DZIP1L: variants seen among roughly 807,000 people sequenced by gnomAD.
DZIP1L encodes the protein DAZ interacting zinc finger protein 1 like.
A neutral mutation model predicts 88.7 loss-of-function variants in DZIP1L; 90 were observed. That is an observed-to-expected ratio of 1.02 (90% CI 0.86 to 1.21). The LOEUF (loss-of-function observed/expected upper bound fraction) is 1.21, where lower values mean the gene tolerates loss of function less well. DZIP1L is among the 50% of genes most tolerant of loss of function. DZIP1L has a pLI of 0.00. For synonymous variants in DZIP1L, 363 were observed against 372.1 expected, an observed-to-expected ratio of 0.98 and a Z score of 0.28; for missense variants, 932 against 955.8, an observed-to-expected ratio of 0.98 and a Z score of 0.33.
intron 12 of DZIP1L, 74 bp downstream of exon 12, chr3:138,071,569 A>AAG: frequency 3.3e-6 from 5 of 1,518,074 alleles, no homozygotes; most frequent in Non-Finnish European, 4.4e-6. Context: ...TACCCTCCTC[A>AAG]TGTGCAAACA....
intron 2 of DZIP1L, chr3:138,102,034 TC>T: frequency 6.8e-7 from 1 of 1,475,480 alleles, no homozygotes. Context: ...TCTCCATGCT[TC>T]CCAGCCAGCA....
At chr3:138,094,367 A>C (rs1231610767) in intron 4 of DZIP1L, among the ~76,000 whole-genome samples, 2 of 152,244 alleles carry the variant, frequency 1.3e-5, no homozygotes, top group Admixed American at 6.5e-5. Flanking sequence ...CAAAAAAAGA[A>C]GTATGCCTGT....
chr3:138,091,242 C>T (rs909655679), intron 5 of DZIP1L, among the ~76,000 whole-genome samples: 1 of 151,952 alleles, frequency 6.6e-6, no homozygotes, highest in Non-Finnish European at 1.5e-5. Flanking sequence ...AATTATAGAG[C>T]TGGGTTCAAG....
At chr3:138,100,921 T>C (rs908343802) in intron 2 of DZIP1L, among the ~76,000 whole-genome samples, 4 of 152,206 alleles carry the variant, frequency 2.6e-5, no homozygotes, top group Admixed American at 6.5e-5. Flanking sequence ...TGTCACTTGG[T>C]TGAATAATGG....
chr3:138,108,140 T>C (rs1472408307), intron 1 of DZIP1L: 1 of 963,266 alleles, frequency 1.0e-6, no homozygotes, highest in Non-Finnish European at 1.2e-6. Flanking sequence ...CCCGCCACCA[T>C]GCCTGGCTAA....
intron 1 of DZIP1L, among the ~76,000 whole-genome samples, chr3:138,114,773 C>A (rs1250985572): frequency 6.6e-6 from 1 of 152,164 alleles, no homozygotes; most frequent in Non-Finnish European, 1.5e-5. Flanking sequence ...TGATCCCTGT[C>A]CTGCACTGAG....
At position 138,084,159 on chromosome 3, in the gene DZIP1L, G is replaced by A; in HGVS notation, c.1157C>T (p.Ala386Val). 6.2e-7 allele frequency: 1 copy of A among 1,614,166 alleles called. No individual in the cohort carries two copies. Among genetic ancestry groups the A allele is most frequent in the Middle Eastern group, 1.6e-4 (1 of 6,062 alleles). ...QSQCQISTLR[A>V]QLQEQARIIA... ...GATCCTAGCTTGTTCCTGCAGCTGG[G>A]CACGGAGGGTGCTGATCTGGCACTG... is the stretch of plus-strand genomic sequence containing the variant. The change falls in exon 8 of 16, where the codon GCC (alanine) becomes GTC (valine). Residue 386 changes from alanine to valine, a missense_variant. Ala to Val is a moderately conservative substitution (Grantham distance 64). Transcript: ENST00000327532.
intron 10 of DZIP1L, among the ~76,000 whole-genome samples, 183 bp from the exon 11 acceptor site, chr3:138,077,815 C>T (rs1252531996): frequency 6.6e-6 from 1 of 152,232 alleles, no homozygotes; most frequent in Non-Finnish European, 1.5e-5. Context: ...TCTCAGATTC[C>T]AGGCCCCACT....
rs542423623 is a variant in DZIP1L, at chr3:138,065,179, C to A, written c.2003-412G>T. Among the ~76,000 whole-genome samples the A allele has an allele frequency of 3.3e-5, 5 of 152,314 alleles. No homozygotes were observed. The East Asian group carries it at 9.6e-4, about 29-fold the overall frequency. ...ACAGGAGGACCACAGGCAAGAATGA[C>A]TTTCTGCAAAGTCCATGCAGGAAGC... On this transcript the variant is annotated intron_variant, in intron 14 of 15. Coordinates refer to ENST00000327532, the MANE Select transcript of DZIP1L (RefSeq NM_173543.3).
At chr3:138,111,863 T>C (rs2042625737) in intron 1 of DZIP1L, among the ~76,000 whole-genome samples, 1 of 151,986 alleles carries the variant, frequency 6.6e-6, no homozygotes, top group Non-Finnish European at 1.5e-5. Flanking sequence ...GGCATGGTGG[T>C]GGGTGCCTGT....
intron 7 of DZIP1L, among the ~76,000 whole-genome samples, chr3:138,084,655 GA>G (rs1281035067): frequency 6.6e-6 from 1 of 152,156 alleles, no homozygotes; most frequent in Non-Finnish European, 1.5e-5. Context: ...AACTTTAGAA[GA>G]ATACAAAAGA....
Position 138,071,746 on chromosome 3 carries a change from T to G in DZIP1L, c.1512A>C (p.Glu504Asp), listed in dbSNP as rs151287945. Residue 504 changes from glutamate to aspartate, a missense_variant, in exon 12 of 16, where the codon GAA (glutamate) becomes GAC (aspartate). By Grantham distance (45) the Glu-to-Asp change is conservative. Transcript: ENST00000327532. ...CAAGCTTTCCCCTCAGACTCAGAAA[T>G]TCAGAAAACTTCCGGGCCTTCTGCT... Reference protein sequence around the residue: ...QREQKARKFSEFLSLRGKLVK... With the variant: ...QREQKARKFSDFLSLRGKLVK... 1 of 1,614,060 alleles carries G rather than the reference T, an allele frequency of 6.2e-7. No homozygotes were observed. The highest frequency in any genetic ancestry group is 1.3e-5 in the African/African-American group (1 of 74,910).
chr3:138,112,935 A>T (rs2042642365), intron 1 of DZIP1L, among the ~76,000 whole-genome samples: 1 of 152,170 alleles, frequency 6.6e-6, no homozygotes, highest in Non-Finnish European at 1.5e-5. Context: ...CGACAGAGTG[A>T]GACTTCGTCT....
In DZIP1L at chr3:138,062,886, C is replaced by G. The variant is rs776036159; in HGVS notation, c.2234G>C (p.Arg745Pro). The change falls in exon 16 of 16, where the codon CGC becomes CCC. Residue 745 changes from arginine to proline, a missense_variant. Transcript: ENST00000327532. ...GCCAAACTTCTCTGGGAGCTTTGAG[C>G]GAGACAAGGGCTTGGGTTTCTCTCT... ...DQREKPKPLS[R>P]SKLPEKFGTG... 1 of 1,614,146 alleles carries G rather than the reference C, an allele frequency of 6.2e-7. No homozygotes were observed. The highest frequency in any genetic ancestry group is 1.7e-5 in the Admixed American group (1 of 60,020).
Position 138,068,236 on chromosome 3 carries a change from TG to T in DZIP1L, c.1746del (p.Ser583AlafsTer2). ...GCGGGGGCGGACACCTGGGTCAGGC[TG>T]GAGCCATGGCTGCCATGGCTCTGAC... ...PTRQSHGSHG[S>X]SLTQVSAPAP... is the part of the protein sequence containing the mutation. On this transcript the variant is annotated frameshift_variant, in exon 13 of 16. Transcript: ENST00000327532. LOFTEE classifies it high-confidence loss of function. 6.3e-7 allele frequency: 1 copy of T among 1,594,914 alleles called. No individual in the cohort carries two copies. The highest frequency in any genetic ancestry group is 8.5e-7 in the Non-Finnish European group (1 of 1,169,986).
In DZIP1L at chr3:138,068,296, G is replaced by A. The variant is rs752530275; in HGVS notation, c.1687C>T (p.Pro563Ser). The change falls in exon 13 of 16, where the codon CCA becomes TCA. Residue 563 changes from proline (P) to serine (S), a missense_variant. Transcript: ENST00000327532. ...PKTRTLQVAL[P>S]STPAEPPPPT... ...GGGGGTGGCTCTGCCGGTGTGGATG[G>A]CAAGGCCACCTGCAGGGTCCTGGTC... The A allele has an allele frequency of 1.9e-6, 3 of 1,595,588 alleles. No individual in the cohort carries two copies. In the South Asian group the frequency reaches 3.4e-5, roughly 18 times the overall value.
intron 10 of DZIP1L, among the ~76,000 whole-genome samples, chr3:138,079,373 G>A (rs1943548482): frequency 6.6e-6 from 1 of 152,208 alleles, no homozygotes; most frequent in Non-Finnish European, 1.5e-5. Flanking sequence ...GTAGGCGGAG[G>A]CAGTAGAGGA....
At position 138,068,217 on chromosome 3, in the gene DZIP1L, G is replaced by T; in HGVS notation, c.1766C>A (p.Ala589Asp). 1.3e-6 allele frequency: 2 copies of T among 1,593,490 alleles called. No individual in the cohort carries two copies. Among genetic ancestry groups the T allele is most frequent in the Non-Finnish European group, 1.7e-6 (2 of 1,169,088 alleles). The change falls in exon 13 of 16, where the codon GCC becomes GAC. Residue 589 changes from alanine to aspartate, a missense_variant. Transcript: ENST00000327532. ...SHGSSLTQVS[A>D]PAPRPGLHGP... ...ATGCAGTCCGGGGCGTGGAGCGGGG[G>T]CGGACACCTGGGTCAGGCTGGAGCC...
chr3:138,069,074 G>A (rs114886022), intron 12 of DZIP1L: 20,046 of 1,111,976 alleles, frequency 0.018, 239 homozygotes, highest in Non-Finnish European at 0.022. Flanking sequence ...GGGTTGAACA[G>A]CCATGGGTCC....
Sources: allele counts gnomAD v4.1 joint callset (sites outside exome capture counted in the v4.1 genomes callset), GRCh38; gene constraint gnomAD v4.1.1; transcripts MANE v1.5; gene names NCBI Gene and HGNC (gene_info 2026-07-23, HGNC 2026-07-21).